Variants in TENM1 observed in about 807,000 individuals in gnomAD.
TENM1 encodes teneurin-1.
In TENM1, 35 loss-of-function variants were observed where a neutral mutation model predicts 174.8. The observed-to-expected ratio is 0.20, with a 90% CI of 0.15 to 0.27. The LOEUF (loss-of-function observed/expected upper bound fraction) is 0.27. Ranked by LOEUF, TENM1 falls within the 10% of genes least tolerant of loss-of-function variation. The pLI, the probability that TENM1 is intolerant of heterozygous loss-of-function variation, is 1.00. For missense variants in TENM1, 1,633 were observed against 2,130.1 expected (o/e 0.77, Z 4.59); for synonymous variants, 781 against 798.7 (o/e 0.98, Z 0.37).
chrX:124,993,761 A>T, the TENM1 span, among the ~76,000 whole-genome samples: 1 of 111,207 alleles, frequency 9.0e-6, no homozygotes, highest in Non-Finnish European at 1.9e-5. Flanking sequence ...TGAAAAAAGT[A>T]GATTATAATA....
chrX:124,387,056 T>A (rs979848550), intron 28 of TENM1, among the ~76,000 whole-genome samples: 1 of 106,255 alleles, frequency 9.4e-6, no homozygotes, highest in East Asian at 2.9e-4. Context: ...AAAGTATTGA[T>A]TGACTTCACA....
the TENM1 span, among the ~76,000 whole-genome samples, chrX:124,969,267 G>A: frequency 8.9e-6 from 1 of 112,594 alleles, no homozygotes; most frequent in Non-Finnish European, 1.9e-5. Context: ...TTTTACTGCA[G>A]AAGATGCCTT....
intron 22 of TENM1, among the ~76,000 whole-genome samples, chrX:124,471,067 C>T (rs1008660166): frequency 2.8e-4 from 27 of 94,903 alleles, no homozygotes; most frequent in African/African-American, 1.0e-3. Context: ...ATTATCATTG[C>T]TAACATTTAC....
intron 3 of TENM1, among the ~76,000 whole-genome samples, chrX:124,749,217 T>G (rs1318656543): frequency 8.9e-5 from 10 of 111,745 alleles, no homozygotes. Context: ...TTGATCAGCT[T>G]CTTTATTATG....
the TENM1 span, among the ~76,000 whole-genome samples, chrX:125,087,224 T>G: frequency 2.0e-4 from 22 of 111,243 alleles, no homozygotes; most frequent in Non-Finnish European, 1.5e-4. Flanking sequence ...CTCTTTACTT[T>G]AAGTTACTAT....
the TENM1 span, among the ~76,000 whole-genome samples, chrX:125,092,062 G>A: frequency 1.9e-5 from 2 of 107,629 alleles, no homozygotes; most frequent in African/African-American, 6.8e-5. Context: ...CTGCCAATGC[G>A]ATGTTTTGAA....
the TENM1 span, among the ~76,000 whole-genome samples, chrX:124,993,397 A>G: frequency 3.6e-5 from 4 of 111,171 alleles, no homozygotes; most frequent in African/African-American, 1.3e-4. Context: ...CATTTTGCAT[A>G]CTTATTATAT....
intron 3 of TENM1, among the ~76,000 whole-genome samples, chrX:124,806,177 G>GA (rs771058363): frequency 1.4e-3 from 156 of 111,514 alleles, no homozygotes; most frequent in African/African-American, 4.7e-3. Context: ...AAAATACAAT[G>GA]AAAAAAACGC....
At chrX:124,821,182 A>G (rs112782674) in intron 3 of TENM1, among the ~76,000 whole-genome samples, 6,216 of 112,271 alleles carry the variant, frequency 0.055, 270 homozygotes, top group African/African-American at 0.15. Flanking sequence ...CACTAACTCC[A>G]AGACTGAATT....
chrX:124,534,820 C>T (rs1483033748), intron 15 of TENM1, among the ~76,000 whole-genome samples: 1 of 111,439 alleles, frequency 9.0e-6, no homozygotes. Context: ...AATCCTGCCC[C>T]GTAAATTCCT....
intron 5 of TENM1, among the ~76,000 whole-genome samples, chrX:124,676,257 AATATATATAT>A (rs56962688): frequency 0.025 from 567 of 22,853 alleles, 37 homozygotes; most frequent in Non-Finnish European, 0.043. Context: ...ACATATATAA[AATATATATAT>A]ATATATATAT....
rs180770438 is a variant in TENM1, at chrX:124,833,828, C to T, written c.535+60468G>A. Among the ~76,000 whole-genome samples the T allele has an allele frequency of 1.4e-3, 154 of 110,903 alleles. 1 individual carries two copies. Among genetic ancestry groups the T allele is most frequent in the African/African-American group, 4.8e-3 (146 of 30,461 alleles). Reference sequence around the variant, plus strand: ...CCTGCATATAAGTGGTCACCAATCTCGTATATCGGACCATCATAATAGCAT... The same window carrying T: ...CCTGCATATAAGTGGTCACCAATCTTGTATATCGGACCATCATAATAGCAT... On this transcript the variant is annotated intron_variant, in intron 3 of 31. Transcript: ENST00000422452.
chrX:124,752,986 G>C (rs2054120968), intron 3 of TENM1, among the ~76,000 whole-genome samples: 1 of 110,777 alleles, frequency 9.0e-6, no homozygotes, highest in Non-Finnish European at 1.9e-5. Context: ...GCTCTTTTTT[G>C]GTTCCATATG....
chrX:124,651,966 A>G, exon 8 of TENM1: 1 of 1,210,172 alleles, frequency 8.3e-7, no homozygotes, highest in Non-Finnish European at 1.1e-6. Flanking sequence ...CATCATTGTA[A>G]AACGCCAGAT....
intron 3 of TENM1, among the ~76,000 whole-genome samples, chrX:124,869,288 G>C (rs2057065565): frequency 9.0e-6 from 1 of 110,696 alleles, no homozygotes; most frequent in Non-Finnish European, 1.9e-5. Context: ...ATCCAAAAGA[G>C]AGACAATAAC....
the TENM1 span, among the ~76,000 whole-genome samples, chrX:125,135,967 T>C: frequency 2.8e-5 from 3 of 106,910 alleles, no homozygotes; most frequent in African/African-American, 6.5e-5. Flanking sequence ...TAAATAGACA[T>C]GAGTTCTACC....
At chrX:124,398,229 A>C (rs1276978575) in intron 27 of TENM1, among the ~76,000 whole-genome samples, 1 of 110,583 alleles carries the variant, frequency 9.0e-6, no homozygotes, top group Non-Finnish European at 1.9e-5. Flanking sequence ...CTCTTAAAAA[A>C]AAAAAAAAGT....
the TENM1 span, among the ~76,000 whole-genome samples, chrX:125,151,413 T>G: frequency 8.9e-6 from 1 of 111,734 alleles, no homozygotes; most frequent in African/African-American, 3.3e-5. Context: ...TGTGGTATAT[T>G]ATAGATTATT....
chrX:124,587,669 A>G (rs1432345518), intron 11 of TENM1, among the ~76,000 whole-genome samples: 1 of 106,490 alleles, frequency 9.4e-6, no homozygotes, highest in Admixed American at 9.7e-5. Context: ...CAATAGCAAC[A>G]AAAGCCAAAA....
Sources: gnomAD v4.1 joint callset for allele counts (sites outside exome capture counted in the v4.1 genomes callset) on GRCh38, gnomAD v4.1.1 for gene constraint, MANE v1.5 for transcripts, NCBI Gene and HGNC (gene_info 2026-07-23, HGNC 2026-07-21) for gene names.